Variants in PDE1A observed in about 807,000 individuals in gnomAD.
The protein encoded by PDE1A is phosphodiesterase 1A.
In PDE1A, 35 loss-of-function variants were observed where a neutral mutation model predicts 61.7. The observed-to-expected ratio is 0.57, with a 90% confidence interval of 0.43 to 0.75. The LOEUF (loss-of-function observed/expected upper bound fraction) is 0.75. PDE1A is among the 30% of genes least tolerant of loss of function. The pLI, the probability that PDE1A is intolerant of heterozygous loss-of-function variation, is 0.00. For synonymous variants in PDE1A, 232 were observed against 213.2 expected, an observed-to-expected ratio of 1.09 and a Z score of -0.77; for missense variants, 597 against 630.6, an observed-to-expected ratio of 0.95 and a Z score of 0.57.
chr2:182,385,366 G>T (rs1459964305), intron 1 of PDE1A, among the ~76,000 whole-genome samples: 1 of 151,804 alleles, frequency 6.6e-6, no homozygotes, highest in African/African-American at 2.4e-5. Context: ...AATTTGTTAA[G>T]AAATATGAAA....
the PDE1A span, among the ~76,000 whole-genome samples, chr2:182,602,122 G>A: frequency 2.0e-5 from 3 of 152,248 alleles, no homozygotes; most frequent in East Asian, 3.8e-4. Context: ...GGCACTGATA[G>A]CAGGGAGAAT....
At chr2:182,575,788 T>C in the PDE1A span, among the ~76,000 whole-genome samples, 2 of 146,634 alleles carry the variant, frequency 1.4e-5, no homozygotes, top group African/African-American at 4.9e-5. Flanking sequence ...TAATTATTAA[T>C]AATTAGTATT....
At chr2:182,685,055 T>A in the PDE1A span, among the ~76,000 whole-genome samples, 649 of 150,412 alleles carry the variant, frequency 4.3e-3, 6 homozygotes, top group Non-Finnish European at 6.5e-3. Flanking sequence ...ACTGTGGTTA[T>A]TCTGAATATA....
chr2:182,581,776 T>G, the PDE1A span, among the ~76,000 whole-genome samples: 1 of 152,116 alleles, frequency 6.6e-6, no homozygotes. Flanking sequence ...GGCTAGCAAC[T>G]GGAGAGCTCA....
chr2:182,705,234 C>T, the PDE1A span, among the ~76,000 whole-genome samples: 1 of 152,130 alleles, frequency 6.6e-6, no homozygotes, highest in South Asian at 2.1e-4. Context: ...ATAAATATGG[C>T]AGCTCACGTA....
chr2:182,637,290 C>T, the PDE1A span, among the ~76,000 whole-genome samples: 1 of 152,282 alleles, frequency 6.6e-6, no homozygotes, highest in Non-Finnish European at 1.5e-5. Context: ...CATTGATTAG[C>T]TAATATAATC....
chr2:182,507,645 T>G (rs985555807), intron 2 of PDE1A, among the ~76,000 whole-genome samples: 1 of 152,134 alleles, frequency 6.6e-6, no homozygotes, highest in Non-Finnish European at 1.5e-5. Context: ...CAGGAAATCA[T>G]GAATAAATTG....
chr2:182,530,990 G>A, the PDE1A span, among the ~76,000 whole-genome samples: 11 of 152,100 alleles, frequency 7.2e-5, no homozygotes, highest in East Asian at 1.4e-3. Flanking sequence ...ATAAATGGGA[G>A]AGAGTAAAGG....
At chr2:182,178,177 C>T (rs1574578419) in intron 13 of PDE1A, among the ~76,000 whole-genome samples, 1 of 152,104 alleles carries the variant, frequency 6.6e-6, no homozygotes, top group African/African-American at 2.4e-5. Context: ...ACAAAGGCAT[C>T]TATCCTTTGT....
intron 2 of PDE1A, among the ~76,000 whole-genome samples, chr2:182,257,637 A>G (rs532877876): frequency 9.1e-4 from 138 of 152,324 alleles, no homozygotes; most frequent in African/African-American, 3.2e-3. Context: ...ATGTGAATTT[A>G]GACTGCACAG....
the PDE1A span, among the ~76,000 whole-genome samples, chr2:182,540,327 C>A: frequency 4.2e-5 from 6 of 144,120 alleles, no homozygotes; most frequent in African/African-American, 1.5e-4. Flanking sequence ...CATACCACTG[C>A]ACTCCAGCCT....
chr2:182,476,478 GACTCT>G (rs1687373645), intron 2 of PDE1A, among the ~76,000 whole-genome samples: 2 of 152,012 alleles, frequency 1.3e-5, no homozygotes, highest in South Asian at 4.1e-4. Flanking sequence ...AACAAAGCGA[GACTCT>G]GTCTCAAATA....
rs1027238687 is a variant in PDE1A at position 182,451,262 on chromosome 2, C to T, written c.101+71014G>A. 1.6e-3 allele frequency among the ~76,000 whole-genome samples: 102 copies of T among 65,634 alleles called. 27 individuals are homozygous for T. The highest frequency in any genetic ancestry group is 5.7e-3 in the African/African-American group (99 of 17,316). The allele number at this position is 65,634 out of a possible 152,430, so 43.1% of individuals were successfully genotyped here. A position where few individuals can be genotyped will look rare whatever the true frequency, so the allele number is the denominator to read the frequency against. ...GGCGTAGTGGCGGGCGCCTGTAGTCCCAGCTACTTGGGAGGCTGAGGCAGG... is the reference window on the plus strand; with the variant it reads ...GGCGTAGTGGCGGGCGCCTGTAGTCTCAGCTACTTGGGAGGCTGAGGCAGG... On this transcript the variant is annotated intron_variant, in intron 2 of 14. Transcript: ENST00000410103.
At position 182,187,615 on chromosome 2, in the gene PDE1A, A is replaced by G. The variant is rs570653020; in HGVS notation, c.1208-1027T>C. ...TTCAAGTAACTGGATTACTTATAGT[A>G]TATAATAAGGCACATTTTTAATTTA... On this transcript the variant is annotated intron_variant, in intron 11 of 13. Coordinates refer to ENST00000351439, the Ensembl canonical transcript of PDE1A. Among the ~76,000 whole-genome samples, 6 of 152,238 alleles carry G rather than the reference A, an allele frequency of 3.9e-5. No individual in the cohort carries two copies. In the East Asian group the frequency reaches 7.7e-4, roughly 20 times the overall value.
intron 10 of PDE1A, among the ~76,000 whole-genome samples, chr2:182,197,105 T>G (rs575379708): frequency 6.6e-6 from 1 of 152,046 alleles, no homozygotes; most frequent in African/African-American, 2.4e-5. Context: ...TCAATTATTT[T>G]AATTTTAGTC....
chr2:182,259,830 T>G (rs1202653144), intron 2 of PDE1A, among the ~76,000 whole-genome samples: 1 of 152,238 alleles, frequency 6.6e-6, no homozygotes, highest in Non-Finnish European at 1.5e-5. Context: ...CCAAAAATGC[T>G]ACTTTGCTTG....
intron 10 of PDE1A, among the ~76,000 whole-genome samples, chr2:182,194,171 T>C (rs1018104056): frequency 5.3e-5 from 8 of 152,126 alleles, no homozygotes; most frequent in African/African-American, 1.9e-4. Flanking sequence ...ATTTTTTTCA[T>C]GTGTCACAAA....
At chr2:182,364,480 A>AG (rs1699711912) in intron 1 of PDE1A, among the ~76,000 whole-genome samples, 1 of 144,880 alleles carries the variant, frequency 6.9e-6, no homozygotes, top group African/African-American at 2.5e-5. Context: ...AAAAAAAAAA[A>AG]AAAAAAAAAA....
intron 8 of PDE1A, among the ~76,000 whole-genome samples, chr2:182,203,490 A>AT (rs940501715): frequency 6.6e-5 from 10 of 152,234 alleles, no homozygotes; most frequent in Admixed American, 5.2e-4. Context: ...TCTCAATTAC[A>AT]TTTTTTTCGC....
Sources: allele counts gnomAD v4.1 joint callset (sites outside exome capture counted in the v4.1 genomes callset), GRCh38; gene constraint gnomAD v4.1.1; transcripts MANE v1.5; gene names NCBI Gene and HGNC (gene_info 2026-07-23, HGNC 2026-07-21).